Variants in SUMF1 observed in about 807,000 individuals in gnomAD.
SUMF1 encodes formylglycine-generating enzyme.
In SUMF1, 48 loss-of-function variants were observed where a neutral mutation model predicts 47.6. The observed-to-expected ratio is 1.01, with a 90% CI of 0.80 to 1.28. SUMF1 has a LOEUF of 1.28. SUMF1 is among the 50% of genes most tolerant of loss of function. The pLI, the probability that SUMF1 is intolerant of heterozygous loss-of-function variation, is 0.00. For missense variants in SUMF1, 571 were observed against 485.4 expected (o/e 1.18, Z -1.66); for synonymous variants, 230 against 192.1 (o/e 1.20, Z -1.63).
At chr3:4,449,769 T>C (rs1034234082) in intron 2 of SUMF1, among the ~76,000 whole-genome samples, 1 of 152,232 alleles carries the variant, frequency 6.6e-6, no homozygotes, top group Non-Finnish European at 1.5e-5. Context: ...CTAGTTCCAC[T>C]AAGGGGTCAA....
intron 6 of SUMF1, 97 bp from the exon 7 acceptor site, chr3:4,411,075 A>G (rs1400338564): frequency 1.0e-6 from 1 of 1,003,458 alleles, no homozygotes; most frequent in Non-Finnish European, 1.6e-6. Flanking sequence ...ATTTCAGAGT[A>G]TGAATGTTGG....
At chr3:4,366,677 C>T (rs1173474923) in intron 8 of SUMF1, among the ~76,000 whole-genome samples, 1 of 152,160 alleles carries the variant, frequency 6.6e-6, no homozygotes, top group African/African-American at 2.4e-5. Flanking sequence ...TCCTGTAGCT[C>T]GGAGTAGTTC....
At chr3:4,316,604 T>C in intron 8 of SUMF1, 1 of 1,551,254 alleles carries the variant, frequency 6.4e-7, no homozygotes, top group African/African-American at 1.4e-5. Flanking sequence ...AAAAAAATCG[T>C]CGTTTTGAAG....
intron 8 of SUMF1, among the ~76,000 whole-genome samples, chr3:4,219,871 T>C (rs1334030430): frequency 1.3e-5 from 2 of 152,140 alleles, no homozygotes; most frequent in African/African-American, 4.8e-5. Context: ...GAAGCACAGC[T>C]TTCAGCAATG....
chr3:4,051,040 C>G (rs745821347), intron 9 of SUMF1, among the ~76,000 whole-genome samples: 6 of 151,762 alleles, frequency 4.0e-5, no homozygotes, highest in Non-Finnish European at 8.8e-5. Context: ...AAATGACTTG[C>G]TGCGCACAAC....
At chr3:4,226,289 AG>A (rs1696173543) in intron 8 of SUMF1, among the ~76,000 whole-genome samples, 1 of 57,422 alleles carries the variant, frequency 1.7e-5, no homozygotes. Context: ...TTTTTTTTTG[AG>A]ACAGAGTCTC....
chr3:4,059,275 C>T (rs1045114897), intron 9 of SUMF1, among the ~76,000 whole-genome samples: 3 of 152,130 alleles, frequency 2.0e-5, no homozygotes, highest in African/African-American at 4.8e-5. Context: ...GCATCTAACA[C>T]AATTTGGTTT....
chr3:4,303,595 T>A, intron 8 of SUMF1: 1 of 1,375,824 alleles, frequency 7.3e-7, no homozygotes, highest in South Asian at 1.7e-5. Context: ...TCAAGCCGCC[T>A]CGCTGGGACG....
chr3:4,456,976 G>A (rs974461361), intron 1 of SUMF1, among the ~76,000 whole-genome samples: 4 of 141,258 alleles, frequency 2.8e-5, no homozygotes, highest in Admixed American at 7.2e-5. Context: ...ATATACGTGT[G>A]TGTATATATA....
chr3:4,081,583 A>G (rs145452312), intron 8 of SUMF1, among the ~76,000 whole-genome samples: 184 of 152,316 alleles, frequency 1.2e-3, no homozygotes, highest in Admixed American at 6.6e-3. Flanking sequence ...GCTGGGCTGT[A>G]TGGGCTCAAA....
chr3:4,383,316 C>G (rs1700569837), intron 7 of SUMF1, among the ~76,000 whole-genome samples: 1 of 152,016 alleles, frequency 6.6e-6, no homozygotes, highest in Non-Finnish European at 1.5e-5. Flanking sequence ...GAGGCGGAGG[C>G]TGCAGTGAGC....
intron 8 of SUMF1, among the ~76,000 whole-genome samples, chr3:4,263,586 G>A (rs565508084): frequency 6.6e-6 from 1 of 152,172 alleles, no homozygotes; most frequent in East Asian, 1.9e-4. Context: ...AACCCACCAA[G>A]CATTCTCATG....
chr3:4,313,549 ACAGT>A, intron 8 of SUMF1: 2 of 1,614,044 alleles, frequency 1.2e-6, no homozygotes, highest in Non-Finnish European at 1.7e-6. Flanking sequence ...TCTTAATCTA[ACAGT>A]CAGTGAAGAC....
chr3:4,443,901 A>C (rs949875945), intron 3 of SUMF1, among the ~76,000 whole-genome samples: 1 of 152,332 alleles, frequency 6.6e-6, no homozygotes, highest in African/African-American at 2.4e-5. Flanking sequence ...CACACAAAAT[A>C]GTAAAAAGTA....
At chr3:4,232,723 T>G (rs1180294624) in intron 8 of SUMF1, among the ~76,000 whole-genome samples, 1 of 151,994 alleles carries the variant, frequency 6.6e-6, no homozygotes, top group East Asian at 1.9e-4. Flanking sequence ...CAGTCCGGGG[T>G]ATAGAAGATC....
intron 8 of SUMF1, among the ~76,000 whole-genome samples, chr3:4,236,515 A>G (rs551220389): frequency 6.6e-6 from 1 of 152,258 alleles, no homozygotes; most frequent in South Asian, 2.1e-4. Flanking sequence ...GCTACTCAGG[A>G]GGCCGAAGCA....
chr3:4,436,204 T>C (rs139649408), intron 3 of SUMF1, among the ~76,000 whole-genome samples: 3 of 152,326 alleles, frequency 2.0e-5, no homozygotes, highest in South Asian at 2.1e-4. Flanking sequence ...TTTTTTCCAA[T>C]GTATGTACAT....
intron 8 of SUMF1, among the ~76,000 whole-genome samples, chr3:4,279,374 A>G (rs1697484055): frequency 6.6e-6 from 1 of 152,186 alleles, no homozygotes; most frequent in African/African-American, 2.4e-5. Context: ...TTTACTAGCT[A>G]AAAGAATGAA....
intron 9 of SUMF1, among the ~76,000 whole-genome samples, chr3:4,055,318 A>G (rs1164193964): frequency 1.3e-5 from 2 of 152,154 alleles, no homozygotes; most frequent in Non-Finnish European, 2.9e-5. Context: ...TATATCTCAG[A>G]TATTTTCCAA....
Sources: gnomAD v4.1 joint callset for allele counts (sites outside exome capture counted in the v4.1 genomes callset) on GRCh38, gnomAD v4.1.1 for gene constraint, MANE v1.5 for transcripts, NCBI Gene and HGNC (gene_info 2026-07-23, HGNC 2026-07-21) for gene names.